GNAO1: variants seen among roughly 807,000 people sequenced by gnomAD.
GNAO1 encodes the protein guanine nucleotide-binding protein G(o) subunit alpha.
For synonymous variants in GNAO1, 164 were observed against 180.7 expected, an observed-to-expected ratio of 0.91 and a Z score of 0.74; for missense variants, 166 against 478.7, an observed-to-expected ratio of 0.35 and a Z score of 6.10.
Position 56,326,523 on chromosome 16 carries a change from G to A in GNAO1, c.304-2108G>A, listed in dbSNP as rs565531087. Among the ~76,000 whole-genome samples, 4 of 152,390 alleles carry A rather than the reference G, an allele frequency of 2.6e-5. No homozygotes were observed. The highest frequency in any genetic ancestry group is 4.1e-4 in the South Asian group (2 of 4,834). Reference sequence around the variant, plus strand: ...GGTCATTTCAGGAAGCACCGAGGAAGTGGGGAAGCCACACAGGAAGGGAGG... The same window carrying A: ...GGTCATTTCAGGAAGCACCGAGGAAATGGGGAAGCCACACAGGAAGGGAGG... On this transcript the variant is annotated intron_variant, in intron 3 of 8. Transcript: ENST00000262493. The surrounding 1 kb of genome is among the most constrained non-coding windows in gnomAD (Gnocchi z 4.8).
intron 2 of GNAO1, among the ~76,000 whole-genome samples, chr16:56,235,709 T>C (rs557449182): frequency 6.6e-6 from 1 of 152,326 alleles, no homozygotes; most frequent in South Asian, 2.1e-4. Flanking sequence ...TCTGTGTCCT[T>C]ACTCTGCTGG....
At chr16:56,331,039 C>A (rs1473631775) in intron 4 of GNAO1, among the ~76,000 whole-genome samples, 1 of 152,220 alleles carries the variant, frequency 6.6e-6, no homozygotes, top group Non-Finnish European at 1.5e-5. Context: ...AGTCTTGGGC[C>A]CAGTATAGAA....
chr16:56,234,101 C>T (rs10400952), intron 2 of GNAO1, among the ~76,000 whole-genome samples: 71,314 of 152,110 alleles, frequency 0.47, 16,923 homozygotes, highest in East Asian at 0.6. Flanking sequence ...CACCCACACC[C>T]ACTTTGTTTA....
chr16:56,351,082 A>G lies in GNAO1; in HGVS notation c.724-302A>G, dbSNP rs1454252306. ...CACACACGTGTGCTGGGAGACCCTC[A>G]CATAGCTGGGAACTCTGCAGTGGGG... On this transcript the variant is annotated intron_variant, in intron 6 of 8. Coordinates refer to ENST00000262493, the MANE Select transcript of GNAO1 (RefSeq NM_020988.3). This position sits in a 1 kb window ranked among gnomAD's most constrained non-coding sequence, Gnocchi z 6.1. Among the ~76,000 whole-genome samples, 1 of 152,174 alleles carries G rather than the reference A, an allele frequency of 6.6e-6. No individual in the cohort carries two copies. Among genetic ancestry groups the G allele is most frequent in the Non-Finnish European group, 1.5e-5 (1 of 68,030 alleles).
intron 4 of GNAO1, chr16:56,329,373 GAGAA>G (rs2037666640): frequency 6.6e-6 from 1 of 152,320 alleles, no homozygotes; most frequent in Admixed American, 6.5e-5. Context: ...GGGAGAGAGG[GAGAA>G]AGAAGAGGAC....
At position 56,351,638 on chromosome 16, in the gene GNAO1, C is replaced by T. The variant is rs566826139; in HGVS notation, c.877+101C>T. 20 of 895,446 alleles carry T rather than the reference C, an allele frequency of 2.2e-5. No homozygotes were observed. The highest frequency in any genetic ancestry group is 2.2e-4 in the Middle Eastern group (1 of 4,504). The allele number at this position is 895,446 out of a possible 1,614,324, so 55.5% of individuals were successfully genotyped here. On this transcript the variant is annotated intron_variant, in intron 7 of 8. Coordinates refer to ENST00000262493, the MANE Select transcript of GNAO1 (RefSeq NM_020988.3). The surrounding 1 kb of genome is among the most constrained non-coding windows in gnomAD (Gnocchi z 6.1). ...GGCCAGCACTGCTGGGGCTAGCTGG[C>T]GAGCGGGACCCATTGCAGGAGACTG... is the stretch of plus-strand genomic sequence containing the variant.
chr16:56,201,397 A>G (rs1337458657), intron 2 of GNAO1, among the ~76,000 whole-genome samples: 3 of 152,230 alleles, frequency 2.0e-5, no homozygotes, highest in African/African-American at 7.2e-5. Context: ...AATATGTAAG[A>G]GGAGTGTTAA....
In GNAO1 at chr16:56,191,813, G is replaced by A; in HGVS notation, c.-423G>A. ...GCCGCCGCCTCCTCCTCCTCCGGCA[G>A]CCGCGGCAGCAGGACCCACCCTGCC... On this transcript the variant is annotated 5_prime_UTR_variant, in exon 1 of 9. Transcript: ENST00000262493. The surrounding 1 kb of genome is among the most constrained non-coding windows in gnomAD (Gnocchi z 4.7). The A allele has an allele frequency of 4.6e-6, 1 of 218,958 alleles. No homozygotes were observed. The highest frequency in any genetic ancestry group is 8.9e-6 in the Non-Finnish European group (1 of 111,966). 13.6% of individuals were successfully genotyped at this position (218,958 alleles called of 1,614,324 possible).
At chr16:56,259,701 C>T (rs1375267196) in intron 2 of GNAO1, among the ~76,000 whole-genome samples, 1 of 152,068 alleles carries the variant, frequency 6.6e-6, no homozygotes, top group Non-Finnish European at 1.5e-5. Context: ...AGGGGCAGGG[C>T]GGGGGTTCAT....
At chr16:56,318,461 G>A (rs71387115) in intron 3 of GNAO1, among the ~76,000 whole-genome samples, 15,782 of 152,198 alleles carry the variant, frequency 0.1, 997 homozygotes, top group South Asian at 0.17. Flanking sequence ...TCCAGCTCAC[G>A]CTCCCTCTCC....
chr16:56,231,222 G>T (rs1183971424), intron 2 of GNAO1, among the ~76,000 whole-genome samples: 2 of 152,140 alleles, frequency 1.3e-5, no homozygotes, highest in Non-Finnish European at 2.9e-5. Flanking sequence ...ACCTTGACTG[G>T]CAACTCACCT....
chr16:56,347,844 C>T (rs2037887346), intron 6 of GNAO1: 1 of 983,420 alleles, frequency 1.0e-6, no homozygotes, highest in South Asian at 4.7e-5. Context: ...CAGCCAGGCC[C>T]TCCCCTCCTG....
intron 2 of GNAO1, among the ~76,000 whole-genome samples, chr16:56,260,841 C>T (rs2036897116): frequency 6.6e-6 from 1 of 152,142 alleles, no homozygotes; most frequent in Admixed American, 6.5e-5. Flanking sequence ...CCTTTCTGGG[C>T]CACGTCTACC....
In GNAO1 at chr16:56,311,170, C is replaced by T. The variant is rs2037454425; in HGVS notation, c.304-17461C>T. ...TATCTACCCTGGCCAGGGTGTGGGG[C>T]TTGGGGGTGGAGATGGGGGAGAGAG... On this transcript the variant is annotated intron_variant, in intron 3 of 8. Coordinates refer to ENST00000262493, the MANE Select transcript of GNAO1 (RefSeq NM_020988.3). The surrounding 1 kb of genome is among the most constrained non-coding windows in gnomAD (Gnocchi z 5.2). Among the ~76,000 whole-genome samples, 1 of 108,192 alleles carries T rather than the reference C, an allele frequency of 9.2e-6. No homozygotes were observed. The highest frequency in any genetic ancestry group is 3.7e-5 in the African/African-American group (1 of 26,954). The allele number at this position is 108,192 out of a possible 152,430, so 71.0% of individuals were successfully genotyped here.
intron 2 of GNAO1, among the ~76,000 whole-genome samples, chr16:56,250,405 G>A (rs2036788828): frequency 6.6e-6 from 1 of 152,176 alleles, no homozygotes; most frequent in Admixed American, 6.5e-5. Context: ...ATATTCCTCT[G>A]AGCACTTCCA....
At chr16:56,197,200 C>A (rs1456006030) in intron 2 of GNAO1, among the ~76,000 whole-genome samples, 1 of 152,238 alleles carries the variant, frequency 6.6e-6, no homozygotes, top group African/African-American at 2.4e-5. Context: ...AGGACATTTC[C>A]CACACTGGCC....
At chr16:56,208,564 C>T (rs1244045828) in intron 2 of GNAO1, among the ~76,000 whole-genome samples, 2 of 151,992 alleles carry the variant, frequency 1.3e-5, no homozygotes, top group Non-Finnish European at 2.9e-5. Context: ...CAGTGTTTTC[C>T]GAAGTGGTAA....
chr16:56,225,811 T>C (rs947452320), intron 2 of GNAO1, among the ~76,000 whole-genome samples: 2 of 152,046 alleles, frequency 1.3e-5, no homozygotes, highest in Non-Finnish European at 2.9e-5. Context: ...GTTAACTAAA[T>C]GAGATCGTTG....
intron 2 of GNAO1, among the ~76,000 whole-genome samples, chr16:56,256,972 G>A (rs2045923): frequency 1.1e-4 from 16 of 152,270 alleles, no homozygotes; most frequent in South Asian, 8.3e-4. Flanking sequence ...GTTGAATCCC[G>A]TGGTGGGAAA....
Sources: allele counts gnomAD v4.1 joint callset (sites outside exome capture counted in the v4.1 genomes callset), GRCh38; gene constraint gnomAD v4.1.1; non-coding constraint Gnocchi (gnomAD v3.1); transcripts MANE v1.5; gene names NCBI Gene and HGNC (gene_info 2026-07-23, HGNC 2026-07-21).